The following HP variants were observed in gnomAD, a reference collection of about 807,000 sequenced individuals.
The protein encoded by HP is haptoglobin.
In HP, 9 loss-of-function variants were observed where a neutral mutation model predicts 23.2. That is an observed-to-expected ratio of 0.39 (90% CI 0.23 to 0.68). The LOEUF (loss-of-function observed/expected upper bound fraction) is 0.68, where lower values mean the gene tolerates loss of function less well. Ranked by LOEUF, HP falls within the 30% of genes least tolerant of loss-of-function variation. HP has a pLI of 0.47. For missense variants in HP, 433 were observed against 483.6 expected (o/e 0.90, Z 0.98); for synonymous variants, 155 against 183.3 (o/e 0.85, Z 1.25).
intron 4 of HP, chr16:72,057,844 T>C (rs2041482138): frequency 2.9e-6 from 1 of 343,950 alleles, no homozygotes; most frequent in African/African-American, 2.9e-5. Context: ...AGGCTGGACA[T>C]GGGCTGGAAC....
intron 1 of HP, 36 bp from the exon 2 acceptor site, chr16:72,056,125 A>G: frequency 1.9e-6 from 3 of 1,595,696 alleles, no homozygotes; most frequent in Non-Finnish European, 2.6e-6. Flanking sequence ...AAGCAGGGAG[A>G]CTAGCTTTCC....
Position 72,059,064 on chromosome 16 carries a change from G to A in HP, c.368-50G>A, listed in dbSNP as rs750939959. The stretch of plus-strand genomic sequence containing the variant: ...TTTAAATGCCTTCTCACTCTGCACG[G>A]GGTCTAGACTTGACTTCTCCTTTGG... On this transcript the variant is annotated intron_variant, in intron 5 of 6. Transcript: ENST00000355906. 4 of 1,505,144 alleles carry A rather than the reference G, an allele frequency of 2.7e-6. 1 individual carries two copies. The highest frequency in any genetic ancestry group is 3.7e-6 in the Non-Finnish European group (4 of 1,095,222). 93.2% of individuals were successfully genotyped at this position (1,505,144 alleles called of 1,614,324 possible).
intron 2 of HP, 69 bp from the exon 3 acceptor site, chr16:72,056,461 T>C (rs993484648): frequency 6.7e-7 from 1 of 1,486,506 alleles, no homozygotes; most frequent in Admixed American, 2.1e-5. Context: ...CTCCCGCTCA[T>C]CTGACTTTTC....
intron 5 of HP, among the ~76,000 whole-genome samples, chr16:72,058,835 A>G (rs1372719212): frequency 7.5e-6 from 1 of 133,458 alleles, no homozygotes; most frequent in Admixed American, 7.2e-5. Flanking sequence ...GCAGCCTGTA[A>G]GAGGCAGAGT....
chr16:72,056,137 C>G (rs755325927), intron 1 of HP, 24 bp from the exon 2 acceptor site: 3 of 1,609,124 alleles, frequency 1.9e-6, no homozygotes, highest in African/African-American at 2.7e-5. Flanking sequence ...TAGCTTTCCA[C>G]TCCTCCTTGT....
intron 5 of HP, among the ~76,000 whole-genome samples, chr16:72,058,868 C>T (rs962344618): frequency 1.4e-5 from 2 of 138,176 alleles, no homozygotes; most frequent in Non-Finnish European, 3.1e-5. Flanking sequence ...CCTGAGCCCT[C>T]CCTGTACTGC....
chr16:72,056,927 A>G, intron 3 of HP: 1 of 387,504 alleles, frequency 2.6e-6, no homozygotes, highest in Non-Finnish European at 4.5e-6. Flanking sequence ...AGGAATGCTG[A>G]TGATGATGTC....
At chr16:72,055,824 T>C (rs539591346) in intron 1 of HP, 3 of 371,576 alleles carry the variant, frequency 8.1e-6, no homozygotes, top group South Asian at 2.1e-5. Context: ...TTATTGCCAA[T>C]GTACTTTCCT....
At chr16:72,056,011 A>T in intron 1 of HP, 150 bp from the exon 2 acceptor site, 3 of 1,343,692 alleles carry the variant, frequency 2.2e-6, no homozygotes, top group Non-Finnish European at 3.1e-6. Context: ...ACTTCCATAT[A>T]TCGACTTTCT....
In HP at chr16:72,060,804, A is replaced by G. The variant is rs748410152; in HGVS notation, c.1135A>G (p.Lys379Glu). 1.2e-6 allele frequency: 2 copies of G among 1,614,120 alleles called. No individual in the cohort carries two copies. Among genetic ancestry groups the G allele is most frequent in the Non-Finnish European group, 1.7e-6 (2 of 1,179,994 alleles). Residue 379 changes from lysine (K) to glutamate (E), a missense_variant, in exon 7 of 7, where the codon AAG becomes GAG. Transcript: ENST00000355906. ...WYATGILSFD[K>E]SCAVAEYGVY... The stretch of plus-strand genomic sequence containing the variant: ...TGCGACTGGGATCTTAAGCTTTGAT[A>G]AGAGCTGTGCTGTGGCTGAGTATGG...
rs776017630 is a variant in HP, at chr16:72,054,627, C to A, written c.-26C>A. ...GACCAGCAGATGCCCCACAGCACTG[C>A]TCTTCCAGAGGCAAGACCAACCAAG... On this transcript the variant is annotated 5_prime_UTR_variant, in exon 1 of 7. Coordinates refer to ENST00000355906, the MANE Select transcript of HP (RefSeq NM_005143.5). The A allele has an allele frequency of 1.9e-6, 3 of 1,610,374 alleles. No homozygotes were observed. The East Asian group carries it at 6.7e-5, about 36-fold the overall frequency.
intron 6 of HP, chr16:72,059,404 A>C (rs2041504786): frequency 1.4e-6 from 1 of 699,256 alleles, no homozygotes; most frequent in East Asian, 2.8e-5. Flanking sequence ...CACTGGCTGA[A>C]TCCATTGTCT....
chr16:72,056,172 C>G lies in HP; in HGVS notation c.17C>G (p.Ala6Gly), dbSNP rs2041458239. The G allele has an allele frequency of 6.2e-7, 1 of 1,613,912 alleles. No homozygotes were observed. The highest frequency in any genetic ancestry group is 2.2e-5 in the East Asian group (1 of 44,822). The change falls in exon 2 of 7, where the codon GCT becomes GGT. Residue 6 changes from alanine to glycine, a missense_variant. Coordinates refer to ENST00000355906, the MANE Select transcript of HP (RefSeq NM_005143.5). ...TCTTCTCTCTGCAGTGCCCTGGGAG[C>G]TGTCATTGCCCTCCTGCTCTGGGGA... is the stretch of plus-strand genomic sequence containing the variant. MSALG[A>G]VIALLLWGQL...
intron 3 of HP, chr16:72,057,029 G>C (rs1163602726): frequency 8.8e-6 from 3 of 340,918 alleles, no homozygotes; most frequent in African/African-American, 8.5e-5. Context: ...CCTCTGAACA[G>C]AGTTTATTGT....
chr16:72,056,823 G>T, intron 3 of HP, 192 bp downstream of exon 3: 1 of 378,856 alleles, frequency 2.6e-6, no homozygotes, highest in Non-Finnish European at 4.5e-6. Context: ...TCAGCCTCAA[G>T]TTTTCTGTTT....
chr16:72,054,962 T>C (rs2041435914), intron 1 of HP: 7 of 559,002 alleles, frequency 1.3e-5, no homozygotes, highest in Admixed American at 3.2e-5. Flanking sequence ...AGTATATTTA[T>C]TAGCAGATAT....
At chr16:72,056,072 TG>T in intron 1 of HP, 88 bp from the exon 2 acceptor site, 1 of 1,517,820 alleles carries the variant, frequency 6.6e-7, no homozygotes. Context: ...TGTGTGTGTG[TG>T]TGTGTACATG....
At position 72,059,037 on chromosome 16, in the gene HP, T is replaced by C. The variant is rs986646288; in HGVS notation, c.368-77T>C. On this transcript the variant is annotated intron_variant, in intron 5 of 6. Coordinates refer to ENST00000355906, the MANE Select transcript of HP (RefSeq NM_005143.5). ...CTTTTCCTCTTCCTTTTAGTTCTTC[T>C]CTTTAAATGCCTTCTCACTCTGCAC... 6.2e-5 allele frequency: 86 copies of C among 1,394,794 alleles called. 8 individuals carry two copies. The highest frequency in any genetic ancestry group is 8.3e-5 in the Non-Finnish European group (83 of 997,906). 86.4% of individuals were successfully genotyped at this position (1,394,794 alleles called of 1,614,324 possible). A position where few individuals can be genotyped will look rare whatever the true frequency, so the allele number is the denominator to read the frequency against.
intron 1 of HP, chr16:72,055,031 A>G (rs2041437176): frequency 2.5e-6 from 1 of 405,176 alleles, no homozygotes; most frequent in Non-Finnish European, 4.5e-6. Flanking sequence ...GAATGACACA[A>G]TTAATTGACT....
Sources: allele counts gnomAD v4.1 joint callset (sites outside exome capture counted in the v4.1 genomes callset), GRCh38; gene constraint gnomAD v4.1.1; transcripts MANE v1.5; gene names NCBI Gene and HGNC (gene_info 2026-07-23, HGNC 2026-07-21).